The following AP2B1 variants were observed in gnomAD, a reference collection of about 807,000 sequenced individuals.
AP2B1 encodes the protein AP-2 complex subunit beta.
AP2B1 carries 23 observed loss-of-function variants against 102.0 expected under a neutral mutation model. That is an observed-to-expected ratio of 0.23 (90% CI 0.16 to 0.32). AP2B1 has a LOEUF of 0.32. Ranked by LOEUF, AP2B1 falls within the 10% of genes least tolerant of loss-of-function variation. The pLI, the probability that AP2B1 is intolerant of heterozygous loss-of-function variation, is 1.00. For missense variants in AP2B1, 541 were observed against 1,157.4 expected (o/e 0.47, Z 7.73); for synonymous variants, 381 against 421.2 (o/e 0.90, Z 1.17).
intron 18 of AP2B1, among the ~76,000 whole-genome samples, chr17:35,684,864 G>A (rs2075898695): frequency 6.6e-6 from 1 of 151,990 alleles, no homozygotes; most frequent in Non-Finnish European, 1.5e-5. Context: ...AGAAACCAGG[G>A]CAAATTTTCT....
chr17:35,717,426 A>C, intron 21 of AP2B1, 77 bp downstream of exon 21: 2 of 1,520,084 alleles, frequency 1.3e-6, no homozygotes, highest in Non-Finnish European at 1.8e-6. Context: ...TTAGCACCCT[A>C]GAAAGACCTG....
At chr17:35,641,802 C>T (rs1218182822) in intron 11 of AP2B1, 75 bp from the exon 12 acceptor site, 4 of 1,130,614 alleles carry the variant, frequency 3.5e-6, no homozygotes, top group East Asian at 2.4e-5. Flanking sequence ...GTTGGGGAAA[C>T]ACCACTTTGG....
chr17:35,708,103 T>C (rs1453910454), intron 18 of AP2B1, among the ~76,000 whole-genome samples: 1 of 152,188 alleles, frequency 6.6e-6, no homozygotes, highest in African/African-American at 2.4e-5. Flanking sequence ...AGTATGCTGT[T>C]GAAGTGTAGA....
At chr17:35,719,392 A>G (rs1555591697) in intron 21 of AP2B1, among the ~76,000 whole-genome samples, 2 of 151,622 alleles carry the variant, frequency 1.3e-5, no homozygotes, top group Admixed American at 1.3e-4. Context: ...CTGTCCCTTT[A>G]TGGTCAGACT....
At chr17:35,673,207 A>G (rs1414929419) in intron 16 of AP2B1, among the ~76,000 whole-genome samples, 1 of 151,230 alleles carries the variant, frequency 6.6e-6, no homozygotes, top group Non-Finnish European at 1.5e-5. Context: ...ATGACTCCTG[A>G]TTTTTTTATT....
chr17:35,667,622 TATGA>T (rs2075495294), intron 14 of AP2B1, among the ~76,000 whole-genome samples: 1 of 152,238 alleles, frequency 6.6e-6, no homozygotes, highest in South Asian at 2.1e-4. Context: ...AAATAAGGGC[TATGA>T]ATGTGCTTTC....
chr17:35,654,149 C>T (rs1290393087), intron 13 of AP2B1, among the ~76,000 whole-genome samples: 1 of 152,004 alleles, frequency 6.6e-6, no homozygotes, highest in Non-Finnish European at 1.5e-5. Flanking sequence ...GCAAGCTCCA[C>T]CTCCTTGGCT....
chr17:35,717,044 G>A (rs1192727652), intron 20 of AP2B1, 151 bp from the exon 21 acceptor site: 3 of 799,704 alleles, frequency 3.8e-6, no homozygotes, highest in Non-Finnish European at 5.8e-6. Flanking sequence ...TTGCTATTGT[G>A]TGGGAGAATG....
intron 20 of AP2B1, 125 bp from the exon 21 acceptor site, chr17:35,717,070 A>T: frequency 9.5e-7 from 1 of 1,056,106 alleles, no homozygotes; most frequent in East Asian, 2.5e-5. Flanking sequence ...TGAAGTGTAC[A>T]CATGTCCATG....
intron 3 of AP2B1, among the ~76,000 whole-genome samples, chr17:35,601,484 A>G (rs952489466): frequency 2.6e-5 from 4 of 152,126 alleles, no homozygotes; most frequent in Non-Finnish European, 2.9e-5. Context: ...TGCACCTGCC[A>G]TCACTCCTGG....
intron 2 of AP2B1, 35 bp from the exon 3 acceptor site, chr17:35,598,195 C>T: frequency 7.1e-7 from 1 of 1,416,052 alleles, no homozygotes; most frequent in Non-Finnish European, 1.0e-6. Context: ...GTCTGTGGTA[C>T]TGGAACCTTA....
chr17:35,628,063 A>G (rs1567847877), intron 9 of AP2B1, among the ~76,000 whole-genome samples: 1 of 152,248 alleles, frequency 6.6e-6, no homozygotes, highest in African/African-American at 2.4e-5. Flanking sequence ...TGTACTGAAC[A>G]TGTACAGACC....
At chr17:35,648,409 G>A (rs1201972565) in intron 12 of AP2B1, among the ~76,000 whole-genome samples, 2 of 151,990 alleles carry the variant, frequency 1.3e-5, no homozygotes, top group Admixed American at 6.6e-5. Context: ...CCAGCTACTT[G>A]GGAGACAGAG....
chr17:35,664,674 T>A (rs2075425557), intron 14 of AP2B1, among the ~76,000 whole-genome samples: 1 of 152,226 alleles, frequency 6.6e-6, no homozygotes, highest in South Asian at 2.1e-4. Flanking sequence ...GAGTGCCTAG[T>A]ATTCAGGCTC....
chr17:35,640,039 C>T (rs1261335112), intron 11 of AP2B1, among the ~76,000 whole-genome samples: 1 of 151,892 alleles, frequency 6.6e-6, no homozygotes, highest in Non-Finnish European at 1.5e-5. Flanking sequence ...GCTTCAGCCT[C>T]CCAAGTAGCT....
chr17:35,645,088 T>C (rs1216653591), intron 12 of AP2B1, among the ~76,000 whole-genome samples: 1 of 152,116 alleles, frequency 6.6e-6, no homozygotes, highest in Non-Finnish European at 1.5e-5. Flanking sequence ...TCTTTTTACC[T>C]GGAAGTTTTC....
chr17:35,616,086 TAA>T (rs1478580865), intron 5 of AP2B1, among the ~76,000 whole-genome samples: 1 of 151,684 alleles, frequency 6.6e-6, no homozygotes, highest in Admixed American at 6.6e-5. Context: ...TTTTCACTTT[TAA>T]AAAATCATTA....
intron 20 of AP2B1, among the ~76,000 whole-genome samples, chr17:35,715,349 G>C (rs587729486): frequency 6.6e-6 from 1 of 152,308 alleles, no homozygotes; most frequent in South Asian, 2.1e-4. Flanking sequence ...TCTTACATAG[G>C]TGGTGAAATA....
intron 12 of AP2B1, among the ~76,000 whole-genome samples, chr17:35,648,589 G>C (rs2075004061): frequency 6.6e-6 from 1 of 151,946 alleles, no homozygotes; most frequent in Admixed American, 6.6e-5. Flanking sequence ...AGGTAGAAAG[G>C]GAAAAATGGG....
Sources: allele counts gnomAD v4.1 joint callset (sites outside exome capture counted in the v4.1 genomes callset), GRCh38; gene constraint gnomAD v4.1.1; transcripts MANE v1.5; gene names NCBI Gene and HGNC (gene_info 2026-07-23, HGNC 2026-07-21).